The following ZNF503 variants were observed in gnomAD, a reference collection of about 807,000 sequenced individuals.
The protein encoded by ZNF503 is NocA-like zinc finger 2.
Under a neutral mutation model 34.4 loss-of-function variants are expected in ZNF503, and 15 were observed. That is an observed-to-expected ratio of 0.44 (90% confidence interval 0.29 to 0.67). ZNF503 has a LOEUF of 0.67. Among genes scored for constraint, ZNF503 ranks in the 30% least tolerant of loss-of-function variants. The pLI, the probability that ZNF503 is intolerant of heterozygous loss-of-function variation, is 0.13. For synonymous variants in ZNF503, 580 were observed against 456.8 expected (o/e 1.27, Z -3.44); for missense variants, 1,007 against 926.8 (o/e 1.09, Z -1.12).
chr10:75,319,005 G>C, the ZNF503 span, among the ~76,000 whole-genome samples: 1 of 151,058 alleles, frequency 6.6e-6, no homozygotes, highest in Non-Finnish European at 1.5e-5. Context: ...TGTTGCCCAG[G>C]TTGGAGTGCA....
the ZNF503 span, among the ~76,000 whole-genome samples, chr10:75,376,084 G>A: frequency 6.6e-6 from 1 of 152,118 alleles, no homozygotes; most frequent in African/African-American, 2.4e-5. Context: ...CCTGACTCTG[G>A]GGTTCTGGAC....
chr10:75,333,104 G>A, the ZNF503 span, among the ~76,000 whole-genome samples: 113 of 131,820 alleles, frequency 8.6e-4, no homozygotes, highest in Middle Eastern at 4.1e-3. Flanking sequence ...CGGGCGGGGG[G>A]CTGACCCCCC....
chr10:75,301,233 C>T, the ZNF503 span, among the ~76,000 whole-genome samples: 1 of 152,006 alleles, frequency 6.6e-6, no homozygotes, highest in Admixed American at 6.6e-5. Flanking sequence ...GCTGGGTTAA[C>T]ACCTGCCATT....
In ZNF503 at chr10:75,400,335, T is replaced by C. The variant is rs1306614236; in HGVS notation, c.355A>G (p.Thr119Ala). The change falls in exon 2 of 2, where the codon ACA (threonine) becomes GCA (alanine). Residue 119 changes from threonine (T) to alanine (A), a missense_variant. Thr to Ala is a moderately conservative substitution (Grantham distance 58). Coordinates refer to ENST00000372524, the MANE Select transcript of ZNF503 (RefSeq NM_032772.6). The stretch of plus-strand genomic sequence containing the variant: ...TCGGGCTTCCCGATCTGCGAACATG[T>C]TTGCGCCAACAGCGCCAGCGGGCTC... ...KKSPLALLAQ[T>A]CSQIGKPDPS... 5.6e-6 allele frequency: 9 copies of C among 1,611,180 alleles called. No homozygotes were observed. The highest frequency in any genetic ancestry group is 1.3e-5 in the African/African-American group (1 of 74,830).
chr10:75,398,842 G>T lies in ZNF503; in HGVS notation c.1848C>A (p.Pro616=). ...SKSPLPTPGA[P]VPVPAATGPY... is the part of the protein sequence containing the mutation. ...GTCCGGTGGCGGCGGGCACCGGCAC[G>T]GGGGCGCCAGGCGTGGGAAGCGGGC... Residue 616 remains proline (P), a synonymous_variant, in exon 2 of 2, where the codon CCC becomes CCA. Transcript: ENST00000372524. 6.7e-7 allele frequency: 1 copy of T among 1,501,880 alleles called. No individual in the cohort carries two copies. Among genetic ancestry groups the T allele is most frequent in the Non-Finnish European group, 8.8e-7 (1 of 1,131,354 alleles). The allele number at this position is 1,501,880 out of a possible 1,614,324, so 93.0% of individuals were successfully genotyped here.
chr10:75,400,394 G>T lies in ZNF503; in HGVS notation c.316-20C>A, dbSNP rs541005429. ...ATCGAGCTGCGGGGTCAGACGATGGGGGGGGAGCGTCACACAGAGAAAGAA... is the reference window on the plus strand; with the variant it reads ...ATCGAGCTGCGGGGTCAGACGATGGTGGGGGAGCGTCACACAGAGAAAGAA... On this transcript the variant is annotated intron_variant, in intron 1 of 1. Transcript: ENST00000372524. The T allele has an allele frequency of 4.3e-4, 685 of 1,590,630 alleles. 2 individuals are homozygous for T. The highest frequency in any genetic ancestry group is 1.6e-3 in the East Asian group (70 of 44,594).
the ZNF503 span, among the ~76,000 whole-genome samples, chr10:75,372,711 G>A: frequency 4.5e-4 from 68 of 152,314 alleles, 1 homozygote; most frequent in Middle Eastern, 3.4e-3. Flanking sequence ...TCAGGCTAAT[G>A]TACTGTGGGC....
At chr10:75,282,147 C>T in the ZNF503 span, among the ~76,000 whole-genome samples, 1 of 152,208 alleles carries the variant, frequency 6.6e-6, no homozygotes, top group Non-Finnish European at 1.5e-5. Context: ...CTGGCAGTCC[C>T]AGGAGGTGAA....
chr10:75,356,362 A>C, the ZNF503 span, among the ~76,000 whole-genome samples: 1 of 152,190 alleles, frequency 6.6e-6, no homozygotes, highest in South Asian at 2.1e-4. Context: ...GACTACACGC[A>C]CCTGCCACCA....
At chr10:75,347,039 T>C in the ZNF503 span, among the ~76,000 whole-genome samples, 5 of 152,192 alleles carry the variant, frequency 3.3e-5, no homozygotes, top group Admixed American at 2.0e-4. Flanking sequence ...TGCCTCTGTT[T>C]TCCTATTTCT....
chr10:75,295,191 C>T, the ZNF503 span, among the ~76,000 whole-genome samples: 2 of 151,502 alleles, frequency 1.3e-5, no homozygotes, highest in African/African-American at 2.4e-5. This position sits in a 1 kb window ranked among gnomAD's most constrained non-coding sequence, Gnocchi z 4.0. Context: ...GCAGGCGGCA[C>T]GGCGCGGGGC....
chr10:75,344,395 G>A, the ZNF503 span, among the ~76,000 whole-genome samples: 1 of 152,238 alleles, frequency 6.6e-6, no homozygotes, highest in Non-Finnish European at 1.5e-5. Flanking sequence ...AGCTAAGGAA[G>A]ACCAGATGGC....
At chr10:75,381,719 A>G in the ZNF503 span, among the ~76,000 whole-genome samples, 24 of 147,966 alleles carry the variant, frequency 1.6e-4, no homozygotes, top group Non-Finnish European at 2.2e-4. Context: ...CCAGATTTCA[A>G]TTGTGTGTAT....
downstream of ZNF503, among the ~76,000 whole-genome samples, chr10:75,393,935 C>T (rs774484089): frequency 2.6e-5 from 4 of 151,954 alleles, no homozygotes; most frequent in Non-Finnish European, 5.9e-5. Context: ...AACAATAACA[C>T]CAAAAACCTT....
chr10:75,396,515 A>G (rs945868359), downstream of ZNF503, among the ~76,000 whole-genome samples: 1 of 148,236 alleles, frequency 6.7e-6, no homozygotes, highest in African/African-American at 2.6e-5. This position sits in a 1 kb window ranked among gnomAD's most constrained non-coding sequence, Gnocchi z 4.4. Flanking sequence ...GGAAAATCTC[A>G]AAGTCACCAA....
At chr10:75,354,427 A>G in the ZNF503 span, among the ~76,000 whole-genome samples, 3 of 152,198 alleles carry the variant, frequency 2.0e-5, no homozygotes, top group Non-Finnish European at 2.9e-5. Flanking sequence ...AAGAACTTGA[A>G]TCTTGCTGGG....
the ZNF503 span, among the ~76,000 whole-genome samples, chr10:75,289,274 A>G: frequency 6.6e-6 from 1 of 152,162 alleles, no homozygotes; most frequent in Non-Finnish European, 1.5e-5. Context: ...ATAGAGGGTG[A>G]TAACTGAGTC....
At chr10:75,376,641 CA>C in the ZNF503 span, among the ~76,000 whole-genome samples, 6 of 147,434 alleles carry the variant, frequency 4.1e-5, no homozygotes, top group East Asian at 2.0e-4. Flanking sequence ...GAGACTGTCT[CA>C]AAAAAAAACA....
At chr10:75,367,810 G>GT in the ZNF503 span, among the ~76,000 whole-genome samples, 2 of 152,102 alleles carry the variant, frequency 1.3e-5, no homozygotes, top group African/African-American at 4.8e-5. Context: ...CTCACATAAG[G>GT]TGACAGGACA....
Sources: gnomAD v4.1 joint callset for allele counts (sites outside exome capture counted in the v4.1 genomes callset) on GRCh38, gnomAD v4.1.1 for gene constraint, Gnocchi (gnomAD v3.1) non-coding constraint, MANE v1.5 for transcripts, NCBI Gene and HGNC (gene_info 2026-07-23, HGNC 2026-07-21) for gene names.